The following PPARA variants were observed in gnomAD, a reference collection of about 807,000 sequenced individuals.
The protein encoded by PPARA is peroxisome proliferator activated receptor alpha.
PPARA carries 22 observed loss-of-function variants against 42.2 expected under a neutral mutation model. The ratio of observed to expected loss-of-function variants is 0.52; its 90% CI spans 0.37 to 0.74. The LOEUF (loss-of-function observed/expected upper bound fraction) is 0.74, where lower values mean the gene tolerates loss of function less well. Ranked by LOEUF, PPARA falls within the 30% of genes least tolerant of loss-of-function variation. The probability of loss-of-function intolerance (pLI) is 0.00; values close to 1 mark genes in which losing one functional copy is unlikely to be tolerated. For missense variants in PPARA, 465 were observed against 608.2 expected, an observed-to-expected ratio of 0.76 and a Z score of 2.48; for synonymous variants, 242 against 239.3, an observed-to-expected ratio of 1.01 and a Z score of -0.10.
intron 4 of PPARA, 32 bp downstream of exon 4, chr22:46,198,623 T>C (rs1459544692): frequency 2.4e-5 from 38 of 1,589,162 alleles, no homozygotes; most frequent in Non-Finnish European, 3.2e-5. Flanking sequence ...AAGTTTTATT[T>C]AGAAATGTTT....
intron 7 of PPARA, among the ~76,000 whole-genome samples, chr22:46,228,948 CA>C (rs375441298): frequency 2.7e-5 from 4 of 149,292 alleles, no homozygotes; most frequent in Non-Finnish European, 4.5e-5. Context: ...ACTAAAAATA[CA>C]AAAAAAAATG....
At chr22:46,186,830 TCA>T (rs1194907162) in intron 3 of PPARA, among the ~76,000 whole-genome samples, 1 of 152,046 alleles carries the variant, frequency 6.6e-6, no homozygotes, top group Admixed American at 6.6e-5. Context: ...ACCTGAAGCC[TCA>T]GATAGTATCA....
At chr22:46,229,163 A>G (rs1935692341) in intron 7 of PPARA, among the ~76,000 whole-genome samples, 1 of 151,966 alleles carries the variant, frequency 6.6e-6, no homozygotes, top group Non-Finnish European at 1.5e-5. Flanking sequence ...CTTTAGAAAG[A>G]TTGAGTGATT....
At chr22:46,153,874 G>A (rs748253647) in intron 2 of PPARA, among the ~76,000 whole-genome samples, 9 of 151,836 alleles carry the variant, frequency 5.9e-5, no homozygotes, top group Non-Finnish European at 1.0e-4. Context: ...AAAAAAAATT[G>A]TATATGAGAG....
At chr22:46,228,116 T>C (rs1218529335) in intron 7 of PPARA, among the ~76,000 whole-genome samples, 4 of 152,214 alleles carry the variant, frequency 2.6e-5, no homozygotes, top group Non-Finnish European at 5.9e-5. Flanking sequence ...TACATCCCCA[T>C]AGAACTAGTC....
In PPARA at chr22:46,225,098, G is replaced by A. The variant is rs1935310902; in HGVS notation, c.711+5084G>A. The stretch of plus-strand genomic sequence containing the variant: ...TGGGGGCAGGGGGAGGCCGCTGCAT[G>A]GAGCCGCATAGATGCCATTGCTTGA... On this transcript the variant is annotated intron_variant, in intron 7 of 8. Transcript: ENST00000407236. The surrounding 1 kb of genome is among the most constrained non-coding windows in gnomAD (Gnocchi z 4.1). Among the ~76,000 whole-genome samples, 1 of 152,142 alleles carries A rather than the reference G, an allele frequency of 6.6e-6. No homozygotes were observed. The highest frequency in any genetic ancestry group is 6.5e-5 in the Admixed American group (1 of 15,270).
chr22:46,201,970 G>T (rs926927082), intron 4 of PPARA, among the ~76,000 whole-genome samples: 66 of 152,264 alleles, frequency 4.3e-4, no homozygotes, highest in African/African-American at 1.5e-3. Context: ...CACCCCCAGG[G>T]TGAAAAATAT....
rs1420776572 is a variant in PPARA at position 46,187,992 on chromosome 22, G to A, written c.-42-10350G>A. Among the ~76,000 whole-genome samples, 1 of 152,200 alleles carries A rather than the reference G, an allele frequency of 6.6e-6. No homozygotes were observed. Among genetic ancestry groups the A allele is most frequent in the Non-Finnish European group, 1.5e-5 (1 of 68,028 alleles). On this transcript the variant is annotated intron_variant, in intron 3 of 8. Coordinates refer to ENST00000407236, the MANE Select transcript of PPARA (RefSeq NM_005036.6). This position sits in a 1 kb window ranked among gnomAD's most constrained non-coding sequence, Gnocchi z 4.9. ...TGCTGCCACCATCTGAGAAGCCTGA[G>A]GTGGCCTCTGTGAGGATGAAAGACT... is the stretch of plus-strand genomic sequence containing the variant.
Position 46,167,808 on chromosome 22 carries a change from C to T in PPARA, c.-126-8945C>T, listed in dbSNP as rs1050876472. Among the ~76,000 whole-genome samples, 3 of 151,492 alleles carry T rather than the reference C, an allele frequency of 2.0e-5. No individual in the cohort carries two copies. Among genetic ancestry groups the T allele is most frequent in the African/African-American group, 7.3e-5 (3 of 41,204 alleles). ...CTGTCATTCCAATGCTTTGGGGGAC[C>T]GAGGTGAGAGGATAGCTTGAGGCCA... On this transcript the variant is annotated intron_variant, in intron 2 of 8. Coordinates refer to ENST00000407236, the MANE Select transcript of PPARA (RefSeq NM_005036.6). The surrounding 1 kb of genome is among the most constrained non-coding windows in gnomAD (Gnocchi z 4.1).
rs1418144053 is a variant in PPARA at position 46,185,917 on chromosome 22, ATATAT to A, written c.-43+9082_-43+9086del. On this transcript the variant is annotated intron_variant, in intron 3 of 8. Coordinates refer to ENST00000407236, the MANE Select transcript of PPARA (RefSeq NM_005036.6). ...CTCCAAAAAAAAAAAAAAAAAAAAA[ATATAT>A]ATATATATATATATATATATATATA... is the stretch of plus-strand genomic sequence containing the variant. 1.5e-3 allele frequency among the ~76,000 whole-genome samples: 15 copies of A among 10,090 alleles called. 2 individuals carry two copies. The highest frequency in any genetic ancestry group is 4.5e-3 in the African/African-American group (14 of 3,138). 6.6% of individuals were successfully genotyped at this position (10,090 alleles called of 152,430 possible).
At chr22:46,152,902 T>C (rs1316338606) in intron 2 of PPARA, among the ~76,000 whole-genome samples, 2 of 152,150 alleles carry the variant, frequency 1.3e-5, no homozygotes, top group African/African-American at 2.4e-5. Context: ...CTGGCCAACA[T>C]GGTGAAACCT....
intron 2 of PPARA, among the ~76,000 whole-genome samples, chr22:46,159,411 GTTTTTTTCCCCCCAC>G: frequency 6.6e-6 from 1 of 152,146 alleles, no homozygotes; most frequent in East Asian, 1.9e-4. Context: ...TACGATTGTC[GTTTTTTTCCCCCCAC>G]TTTGACAACT....
chr22:46,215,742 TA>T (rs34774436), intron 5 of PPARA, among the ~76,000 whole-genome samples: 8 of 149,170 alleles, frequency 5.4e-5, no homozygotes, highest in African/African-American at 1.7e-4. Flanking sequence ...GACTCCATCT[TA>T]AAAAAAAAGA....
chr22:46,169,084 T>G (rs937673109), intron 2 of PPARA, among the ~76,000 whole-genome samples: 6 of 151,766 alleles, frequency 4.0e-5, no homozygotes, highest in African/African-American at 1.5e-4. Context: ...GCAGTGAAAC[T>G]ATTCTGTATG....
rs5767779 is a variant in PPARA, at chr22:46,235,954, A to T, written c.*574A>T. The T allele has an allele frequency of 6.1e-6, 1 of 164,428 alleles. No individual in the cohort carries two copies. Among genetic ancestry groups the T allele is most frequent in the East Asian group, 1.7e-4 (1 of 5,864 alleles). 10.2% of individuals were successfully genotyped at this position (164,428 alleles called of 1,614,324 possible). ...TTTTAATCATAGGATGGAGAATTTT[A>T]AAGAACTGTTTGGGCCAGGCACAGT... On this transcript the variant is annotated 3_prime_UTR_variant, in exon 9 of 9. Coordinates refer to ENST00000407236, the MANE Select transcript of PPARA (RefSeq NM_005036.6). The surrounding 1 kb of genome is among the most constrained non-coding windows in gnomAD (Gnocchi z 7.0).
rs1931402160 is a variant in PPARA at position 46,190,547 on chromosome 22, G to A, written c.-42-7795G>A. Among the ~76,000 whole-genome samples, 1 of 152,172 alleles carries A rather than the reference G, an allele frequency of 6.6e-6. No homozygotes were observed. The highest frequency in any genetic ancestry group is 6.5e-5 in the Admixed American group (1 of 15,278). Reference sequence around the variant, plus strand: ...CCGCGTGGATCGCTTGAGCCCAGGAGTTCGAGACCAGGCTGGGCAACATAG... The same window carrying A: ...CCGCGTGGATCGCTTGAGCCCAGGAATTCGAGACCAGGCTGGGCAACATAG... On this transcript the variant is annotated intron_variant, in intron 3 of 8. Coordinates refer to ENST00000407236, the MANE Select transcript of PPARA (RefSeq NM_005036.6). This position sits in a 1 kb window ranked among gnomAD's most constrained non-coding sequence, Gnocchi z 5.6.
In PPARA at chr22:46,191,442, G is replaced by C. The variant is rs1474375107; in HGVS notation, c.-42-6900G>C. Among the ~76,000 whole-genome samples, 3 of 151,704 alleles carry C rather than the reference G, an allele frequency of 2.0e-5. No individual in the cohort carries two copies. The highest frequency in any genetic ancestry group is 4.4e-5 in the Non-Finnish European group (3 of 67,982). On this transcript the variant is annotated intron_variant, in intron 3 of 8. Transcript: ENST00000407236. This position sits in a 1 kb window ranked among gnomAD's most constrained non-coding sequence, Gnocchi z 4.6. ...CTGCAACTGTTGCTCCTGAGGAAGG[G>C]AGTGGAACTGATAATCTGTTCCTCC...
rs970478865 is a variant in PPARA at position 46,204,311 on chromosome 22, G to T, written c.208+5720G>T. On this transcript the variant is annotated intron_variant, in intron 4 of 8. Coordinates refer to ENST00000407236, the MANE Select transcript of PPARA (RefSeq NM_005036.6). The surrounding 1 kb of genome is among the most constrained non-coding windows in gnomAD (Gnocchi z 5.2). ...AAATAAAGCTGCTATGAACATTCAC[G>T]TACAAGTCTCTGTACAACCCTCTGC... 4.6e-5 allele frequency among the ~76,000 whole-genome samples: 7 copies of T among 152,184 alleles called. No homozygotes were observed. The highest frequency in any genetic ancestry group is 1.7e-4 in the African/African-American group (7 of 41,432).
At chr22:46,223,642 CAA>C (rs56992283) in intron 7 of PPARA, among the ~76,000 whole-genome samples, 46 of 102,522 alleles carry the variant, frequency 4.5e-4, no homozygotes, top group East Asian at 9.4e-4. Flanking sequence ...GACTCCATCT[CAA>C]AAAAAAAAAA....
Sources: allele counts gnomAD v4.1 joint callset (sites outside exome capture counted in the v4.1 genomes callset), GRCh38; gene constraint gnomAD v4.1.1; non-coding constraint Gnocchi (gnomAD v3.1); transcripts MANE v1.5; gene names NCBI Gene and HGNC (gene_info 2026-07-23, HGNC 2026-07-21).